The following FBXL18 variants were observed in gnomAD, a reference collection of about 807,000 sequenced individuals.
FBXL18 encodes the protein F-box/LRR-repeat protein 18.
A neutral mutation model predicts 46.0 loss-of-function variants in FBXL18; 36 were observed. The ratio of observed to expected loss-of-function variants is 0.78; its 90% confidence interval spans 0.60 to 1.03. FBXL18 has a LOEUF of 1.03. Among genes scored for constraint, FBXL18 ranks in the 50% least tolerant of loss-of-function variants. The pLI is 0.00. For synonymous variants in FBXL18, 557 were observed against 465.3 expected (o/e 1.20, Z -2.54); for missense variants, 977 against 1,004.1 (o/e 0.97, Z 0.36).
In FBXL18 at chr7:5,501,340, T is replaced by C. The variant is rs375791841; in HGVS notation, c.929A>G (p.His310Arg). The C allele has an allele frequency of 3.1e-6, 5 of 1,613,920 alleles. No individual in the cohort carries two copies. In the African/African-American group the frequency reaches 6.7e-5, roughly 22 times the overall value. ...SWLNGSSLLQ[H>R]MKFNNPFYFS... ...GTAGAACGGGTTGTTGAATTTCATG[T>C]GCTGCAGGAGGGAAGAGCCGTTCAG... Residue 310 changes from histidine (H) to arginine (R), a missense_variant, in exon 3 of 5, where the codon CAC becomes CGC. Coordinates refer to ENST00000382368, the MANE Select transcript of FBXL18 (RefSeq NM_024963.6).
intron 2 of FBXL18, among the ~76,000 whole-genome samples, chr7:5,505,127 C>A (rs1584241250): frequency 1.3e-5 from 2 of 151,746 alleles, no homozygotes; most frequent in East Asian, 3.9e-4. Flanking sequence ...TAGCGATCCA[C>A]AAGAAAGCAC....
intron 4 of FBXL18, 36 bp downstream of exon 4, chr7:5,491,195 C>T (rs1306788849): frequency 7.7e-6 from 12 of 1,558,392 alleles, no homozygotes; most frequent in Admixed American, 1.8e-5. Context: ...GTGATTTCTG[C>T]GGCCCCTGAA....
chr7:5,491,455 G>T lies in FBXL18; in HGVS notation c.1782-6C>A. Reference sequence around the variant, plus strand: ...TGAAGTAGGGCTGCTCCAGCCTGCGGGGAGAGAGGGCAGCTGTGAGGTCCG... The same window carrying T: ...TGAAGTAGGGCTGCTCCAGCCTGCGTGGAGAGAGGGCAGCTGTGAGGTCCG... On this transcript the variant is annotated splice_polypyrimidine_tract_variant and splice_region_variant and intron_variant, in intron 3 of 4. Coordinates refer to ENST00000382368, the MANE Select transcript of FBXL18 (RefSeq NM_024963.6). The T allele has an allele frequency of 1.3e-6, 2 of 1,565,358 alleles. No individual in the cohort carries two copies. The highest frequency in any genetic ancestry group is 2.7e-5 in the African/African-American group (2 of 74,422).
chr7:5,484,117 T>C (rs940650656), intron 4 of FBXL18, among the ~76,000 whole-genome samples: 2 of 152,188 alleles, frequency 1.3e-5, no homozygotes, highest in African/African-American at 2.4e-5. Flanking sequence ...CGTCATGCCA[T>C]GTACTTGATT....
intron 4 of FBXL18, among the ~76,000 whole-genome samples, chr7:5,487,788 C>T (rs970811577): frequency 2.0e-5 from 3 of 152,218 alleles, no homozygotes; most frequent in Non-Finnish European, 4.4e-5. Context: ...ACACCCGCAT[C>T]CCACTCGGTT....
At chr7:5,484,311 CA>C (rs960443809) in intron 4 of FBXL18, among the ~76,000 whole-genome samples, 3 of 148,116 alleles carry the variant, frequency 2.0e-5, no homozygotes, top group Admixed American at 6.7e-5. Context: ...ACTAAAAATA[CA>C]AAAAAAAAAT....
intron 4 of FBXL18, among the ~76,000 whole-genome samples, chr7:5,458,172 G>A (rs1273181946): frequency 6.6e-6 from 1 of 152,134 alleles, no homozygotes; most frequent in African/African-American, 2.4e-5. Flanking sequence ...GCTGATAAGG[G>A]ACAGTCAGTT....
chr7:5,470,016 C>CGGGCGT (rs1783403219), intron 4 of FBXL18, among the ~76,000 whole-genome samples: 3 of 152,034 alleles, frequency 2.0e-5, no homozygotes, highest in African/African-American at 7.3e-5. Flanking sequence ...CGGGTATGAA[C>CGGGCGT]GGGCGTGGGC....
intron 3 of FBXL18, among the ~76,000 whole-genome samples, chr7:5,493,982 A>G (rs1287545673): frequency 1.3e-5 from 2 of 152,074 alleles, no homozygotes; most frequent in East Asian, 3.9e-4. Flanking sequence ...TACAAAAATT[A>G]GCCAGGCAGG....
chr7:5,501,398 C>G lies in FBXL18; in HGVS notation c.871G>C (p.Val291Leu), dbSNP rs746235058. 3 of 1,613,560 alleles carry G rather than the reference C, an allele frequency of 1.9e-6. No homozygotes were observed. In the African/African-American group the frequency reaches 4.0e-5, roughly 22 times the overall value. Residue 291 changes from valine to leucine, a missense_variant, in exon 3 of 5, where the codon GTG (valine) becomes CTG (leucine). Val to Leu is a conservative substitution (Grantham distance 32, BLOSUM62 1). Transcript: ENST00000382368. ...NLLDSMARNV[V>L]LDALQLPKSW... ...TTGGGCAGCTGCAGGGCATCCAGCA[C>G]GACATTGCGCGCCATGGAGTCCAGG...
intron 1 of FBXL18, among the ~76,000 whole-genome samples, chr7:5,511,189 C>T (rs1211839694): frequency 1.3e-5 from 2 of 152,138 alleles, no homozygotes; most frequent in African/African-American, 4.8e-5. Context: ...GTAATCCCAG[C>T]ACTCTGGGAA....
chr7:5,505,402 G>T lies in FBXL18; in HGVS notation c.237+10C>A. 2 of 1,612,666 alleles carry T rather than the reference G, an allele frequency of 1.2e-6. No homozygotes were observed. Among genetic ancestry groups the T allele is most frequent in the Non-Finnish European group, 1.7e-6 (2 of 1,178,828 alleles). Reference sequence around the variant, plus strand: ...CTTGTTTCTCATCTCCTGCCCCCACGCCTGCTCACCTGATAGTCCTTTTGC... The same window carrying T: ...CTTGTTTCTCATCTCCTGCCCCCACTCCTGCTCACCTGATAGTCCTTTTGC... On this transcript the variant is annotated intron_variant, in intron 2 of 4. Transcript: ENST00000382368.
At chr7:5,461,433 G>A (rs1190487904) in intron 4 of FBXL18, among the ~76,000 whole-genome samples, 4 of 152,064 alleles carry the variant, frequency 2.6e-5, no homozygotes, top group Non-Finnish European at 4.4e-5. Flanking sequence ...AAAAGTAATG[G>A]CAAGAACCAC....
In FBXL18 at chr7:5,480,131, G is replaced by C. The variant is rs961618579; in HGVS notation, c.*1644C>G. 7.2e-5 allele frequency among the ~76,000 whole-genome samples: 11 copies of C among 152,232 alleles called. No individual in the cohort carries two copies. The highest frequency in any genetic ancestry group is 2.6e-4 in the Admixed American group (4 of 15,276). ...GCAGGGCCGGTGATTGGAGGCCTGG[G>C]GATGGTGTACCCCATTTTTTAACAG... On this transcript the variant is annotated 3_prime_UTR_variant, in exon 5 of 5. Transcript: ENST00000382368.
intron 1 of FBXL18, 22 bp downstream of exon 1, chr7:5,513,635 C>G (rs1386662419): frequency 6.8e-6 from 11 of 1,612,172 alleles, no homozygotes; most frequent in Non-Finnish European, 9.3e-6. Flanking sequence ...AGAAGCAGAG[C>G]GGAGACAGTC....
chr7:5,461,877 G>A (rs1293476973), intron 4 of FBXL18, among the ~76,000 whole-genome samples: 3 of 152,130 alleles, frequency 2.0e-5, no homozygotes, highest in African/African-American at 7.2e-5. Context: ...GGAGGCAGAG[G>A]TTGCAGTGAG....
chr7:5,507,620 G>C lies in FBXL18; in HGVS notation c.19-1990C>G, dbSNP rs931180812. On this transcript the variant is annotated intron_variant, in intron 1 of 4. Transcript: ENST00000382368. ...GGAGGCCGAGGCGGGGAAATCACAA[G>C]GTCAAGAGATCGAGACCAGCCTGGC... is the stretch of plus-strand genomic sequence containing the variant. Among the ~76,000 whole-genome samples, 13 of 151,684 alleles carry C rather than the reference G, an allele frequency of 8.6e-5. No individual in the cohort carries two copies. In the Admixed American group the frequency reaches 8.6e-4, roughly 10 times the overall value.
At chr7:5,454,973 C>T (rs1469313795) in intron 4 of FBXL18, among the ~76,000 whole-genome samples, 2 of 152,194 alleles carry the variant, frequency 1.3e-5, no homozygotes, top group East Asian at 1.9e-4. Context: ...CCGCCCTCAC[C>T]CCTACAGTTG....
rs1316241572 is a variant in FBXL18, at chr7:5,501,109, T to A, written c.1160A>T (p.His387Leu). The change falls in exon 3 of 5, where the codon CAC becomes CTC. Residue 387 changes from histidine to leucine, a missense_variant. His to Leu is a moderately conservative substitution (Grantham distance 99). Coordinates refer to ENST00000382368, the MANE Select transcript of FBXL18 (RefSeq NM_024963.6). Reference sequence around the variant, plus strand: ...GTGGTGGGCGGCCGAGAGGTTCAGGTGGCGCAGGTTGCAGCAGGACGCCAC... The same window carrying A: ...GTGGTGGGCGGCCGAGAGGTTCAGGAGGCGCAGGTTGCAGCAGGACGCCAC... ...TLVASCCNLR[H>L]LNLSAAHHHS... 4.3e-6 allele frequency: 7 copies of A among 1,612,694 alleles called. No individual in the cohort carries two copies. The highest frequency in any genetic ancestry group is 5.9e-6 in the Non-Finnish European group (7 of 1,179,758).
Sources: allele counts gnomAD v4.1 joint callset (sites outside exome capture counted in the v4.1 genomes callset), GRCh38; gene constraint gnomAD v4.1.1; transcripts MANE v1.5; gene names NCBI Gene and HGNC (gene_info 2026-07-23, HGNC 2026-07-21).